Variants in PEAK1 observed in about 807,000 individuals in gnomAD.
PEAK1 encodes the protein inactive tyrosine-protein kinase PEAK1.
A neutral mutation model predicts 124.7 loss-of-function variants in PEAK1; 54 were observed. That is an observed-to-expected ratio of 0.43 (90% CI 0.35 to 0.54). The LOEUF is 0.54. Ranked by LOEUF, PEAK1 falls within the 20% of genes least tolerant of loss-of-function variation. The pLI is 0.01. For missense variants in PEAK1, 2,046 were observed against 2,134.5 expected, an observed-to-expected ratio of 0.96 and a Z score of 0.82; for synonymous variants, 719 against 760.0, an observed-to-expected ratio of 0.95 and a Z score of 0.89.
intron 7 of PEAK1, among the ~76,000 whole-genome samples, chr15:77,158,908 G>A (rs141013167): frequency 3.9e-5 from 6 of 152,292 alleles, no homozygotes; most frequent in Non-Finnish European, 5.9e-5. Context: ...GAGCAGGTAT[G>A]GTAGCCTGCA....
At chr15:77,194,925 T>G (rs1015087784) in intron 6 of PEAK1, among the ~76,000 whole-genome samples, 3 of 152,182 alleles carry the variant, frequency 2.0e-5, no homozygotes, top group Non-Finnish European at 4.4e-5. Flanking sequence ...AGCACTGTAA[T>G]TGATGTTGAC....
Position 77,181,677 on chromosome 15 carries a change from T to A in PEAK1, c.250A>T (p.Ser84Cys). Residue 84 changes from serine (S) to cysteine (C), a missense_variant, in exon 7 of 10, where the codon AGT becomes TGT. Ser to Cys is a moderately radical substitution (Grantham distance 112, BLOSUM62 -1). Coordinates refer to ENST00000682557, the MANE Select transcript of PEAK1 (RefSeq NM_001385026.1). ...TGGATGCTAAGCTCACCACATATAC[T>A]TTGCCCATCTGCCACTATCATAGTG... ...KPTMIVADGQSICGELSIQEH... is the reference protein window; with the variant it reads ...KPTMIVADGQCICGELSIQEH... The A allele has an allele frequency of 1.2e-6, 2 of 1,614,138 alleles. No homozygotes were observed. The highest frequency in any genetic ancestry group is 1.7e-6 in the Non-Finnish European group (2 of 1,180,024).
intron 5 of PEAK1, among the ~76,000 whole-genome samples, chr15:77,266,557 A>G (rs1300458064): frequency 6.6e-6 from 1 of 152,212 alleles, no homozygotes; most frequent in East Asian, 1.9e-4. Flanking sequence ...TCATGACATA[A>G]TGTCCAAAAT....
intron 6 of PEAK1, among the ~76,000 whole-genome samples, chr15:77,243,861 G>A (rs934231495): frequency 1.3e-5 from 2 of 152,094 alleles, no homozygotes; most frequent in African/African-American, 2.4e-5. Flanking sequence ...CCTGCTACTC[G>A]GGAGGCTGAG....
rs1171315430 is a variant in PEAK1, at chr15:77,144,069, C to T, written c.3332-10319G>A. Among the ~76,000 whole-genome samples, 3 of 152,110 alleles carry T rather than the reference C, an allele frequency of 2.0e-5. No individual in the cohort carries two copies. In the South Asian group the frequency reaches 6.2e-4, roughly 32 times the overall value. ...AAAAGTACCTTTTTTTCTTTTATAA[C>T]CTCAGAACTGACAAGGGAGAGAAGG... On this transcript the variant is annotated intron_variant, in intron 8 of 9. Transcript: ENST00000682557.
chr15:77,342,914 A>G (rs2066632366), intron 2 of PEAK1, among the ~76,000 whole-genome samples: 1 of 152,210 alleles, frequency 6.6e-6, no homozygotes, highest in Non-Finnish European at 1.5e-5. Context: ...TAGTGTTGCT[A>G]TGAACACGGG....
chr15:77,171,452 C>A, intron 7 of PEAK1, among the ~76,000 whole-genome samples: 1 of 151,532 alleles, frequency 6.6e-6, no homozygotes, highest in Non-Finnish European at 1.5e-5. Context: ...TGTTCTCACT[C>A]ATATGTGGAA....
In PEAK1 at chr15:77,114,210, A is replaced by G; in HGVS notation, c.5187T>C (p.Ala1729=). Residue 1729 remains alanine, a synonymous_variant, in exon 10 of 10, where the codon GCT becomes GCC. Transcript: ENST00000682557. ...LEDWLCAQYL[A]FATTDSLSCI... The stretch of plus-strand genomic sequence containing the variant: ...AACTGAGGGAGTCTGTAGTGGCAAA[A>G]GCCAAATACTGAGCACAAAGCCAGT... The G allele has an allele frequency of 6.2e-7, 1 of 1,614,242 alleles. No individual in the cohort carries two copies. Among genetic ancestry groups the G allele is most frequent in the Non-Finnish European group, 8.5e-7 (1 of 1,180,032 alleles).
At chr15:77,170,331 T>C (rs2056421406) in intron 7 of PEAK1, among the ~76,000 whole-genome samples, 3 of 151,832 alleles carry the variant, frequency 2.0e-5, no homozygotes, top group African/African-American at 7.3e-5. Context: ...TTTAAGATAG[T>C]CCCAATTAAA....
intron 9 of PEAK1, among the ~76,000 whole-genome samples, chr15:77,121,590 C>T (rs74363914): frequency 0.022 from 3,360 of 152,262 alleles, 104 homozygotes; most frequent in African/African-American, 0.07. Flanking sequence ...CTGCACAAAA[C>T]TACAAAACAA....
chr15:77,152,140 T>C (rs2054690339), intron 8 of PEAK1, among the ~76,000 whole-genome samples: 1 of 152,214 alleles, frequency 6.6e-6, no homozygotes, highest in African/African-American at 2.4e-5. Flanking sequence ...TTCTTCCATT[T>C]GTTTGTATCC....
chr15:77,377,562 C>A (rs184729525), intron 1 of PEAK1, among the ~76,000 whole-genome samples: 6 of 152,048 alleles, frequency 3.9e-5, no homozygotes, highest in Admixed American at 3.9e-4. Flanking sequence ...CTCCACCTCC[C>A]AGGTTCAAGC....
At chr15:77,223,834 C>T (rs2059501957) in intron 6 of PEAK1, among the ~76,000 whole-genome samples, 1 of 150,276 alleles carries the variant, frequency 6.7e-6, no homozygotes, top group Admixed American at 6.7e-5. Context: ...CTGGAAATAT[C>T]TGACCAGATG....
chr15:77,246,260 G>A (rs191638132), intron 6 of PEAK1, among the ~76,000 whole-genome samples: 4 of 152,282 alleles, frequency 2.6e-5, no homozygotes, highest in Admixed American at 2.6e-4. Context: ...GCCTGCCTCG[G>A]CCTCCCAAAG....
intron 2 of PEAK1, chr15:77,338,046 A>T (rs1002134564): frequency 1.9e-5 from 19 of 982,430 alleles, no homozygotes; most frequent in Non-Finnish European, 2.1e-5. Context: ...GTAAAGCAGT[A>T]AAAATTTGAG....
chr15:77,146,932 C>T (rs984818874), intron 8 of PEAK1, among the ~76,000 whole-genome samples: 3 of 152,092 alleles, frequency 2.0e-5, no homozygotes, highest in Non-Finnish European at 2.9e-5. Context: ...ATATCCACCC[C>T]GTAAAATTTA....
In PEAK1 at chr15:77,253,881, C is replaced by T. The variant is rs117545649; in HGVS notation, c.-274-1355G>A. Among the ~76,000 whole-genome samples the T allele has an allele frequency of 5.8e-3, 883 of 152,236 alleles. 33 individuals are homozygous for T. The East Asian group carries it at 0.11, about 18-fold the overall frequency. ...CTCTTTTGCCCAGGCTCAAGTGCCA[C>T]GATATTGGCTCACTGCAACATCCAC... On this transcript the variant is annotated intron_variant, in intron 5 of 9. Coordinates refer to ENST00000682557, the MANE Select transcript of PEAK1 (RefSeq NM_001385026.1).
intron 1 of PEAK1, among the ~76,000 whole-genome samples, chr15:77,408,146 T>TATATAC (rs1375132009): frequency 3.2e-5 from 2 of 62,226 alleles, no homozygotes; most frequent in Non-Finnish European, 6.2e-5. Flanking sequence ...TGTATACACA[T>TATATAC]ATATACATAC....
intron 8 of PEAK1, among the ~76,000 whole-genome samples, chr15:77,153,416 T>C (rs966348406): frequency 3.3e-5 from 5 of 152,182 alleles, no homozygotes; most frequent in Non-Finnish European, 7.3e-5. Flanking sequence ...TCAATTTTGT[T>C]GATCTTTTCA....
Sources: gnomAD v4.1 joint callset for allele counts (sites outside exome capture counted in the v4.1 genomes callset) on GRCh38, gnomAD v4.1.1 for gene constraint, MANE v1.5 for transcripts, NCBI Gene and HGNC (gene_info 2026-07-23, HGNC 2026-07-21) for gene names.